The following TTC28 variants were observed in gnomAD, a reference collection of about 807,000 sequenced individuals.
The protein encoded by TTC28 is tetratricopeptide repeat protein 28.
In TTC28, 61 loss-of-function variants were observed where a neutral mutation model predicts 198.0. The observed-to-expected ratio is 0.31, with a 90% CI of 0.25 to 0.38. The LOEUF (loss-of-function observed/expected upper bound fraction) is 0.38, where lower values mean the gene tolerates loss of function less well. Among genes scored for constraint, TTC28 ranks in the 10% least tolerant of loss-of-function variants. The probability of loss-of-function intolerance (pLI) is 1.00; values close to 1 mark genes in which losing one functional copy is unlikely to be tolerated. For synonymous variants in TTC28, 1,171 were observed against 1,297.8 expected, an observed-to-expected ratio of 0.90 and a Z score of 2.10; for missense variants, 2,678 against 3,164.0, an observed-to-expected ratio of 0.85 and a Z score of 3.69.
intron 5 of TTC28, among the ~76,000 whole-genome samples, chr22:28,174,277 A>G (rs944499438): frequency 6.6e-6 from 1 of 152,224 alleles, no homozygotes; most frequent in Admixed American, 6.5e-5. Flanking sequence ...CAGTATTTAT[A>G]ATGACCCTGG....
intron 12 of TTC28, among the ~76,000 whole-genome samples, chr22:28,035,160 T>A (rs1027240265): frequency 1.3e-5 from 2 of 152,212 alleles, no homozygotes; most frequent in Non-Finnish European, 2.9e-5. Flanking sequence ...AACATCCTTT[T>A]ACTAACTCAC....
chr22:28,582,029 A>C (rs1020819190), intron 2 of TTC28, among the ~76,000 whole-genome samples: 1 of 152,214 alleles, frequency 6.6e-6, no homozygotes, highest in Non-Finnish European at 1.5e-5. Context: ...CAACATTACT[A>C]TAATAATTTT....
intron 2 of TTC28, among the ~76,000 whole-genome samples, chr22:28,541,713 A>T (rs1335102647): frequency 6.6e-6 from 1 of 151,948 alleles, no homozygotes; most frequent in East Asian, 1.9e-4. Context: ...TTTTAAATAT[A>T]TATATATATA....
At chr22:28,331,982 A>T (rs983535772) in intron 2 of TTC28, among the ~76,000 whole-genome samples, 1 of 152,102 alleles carries the variant, frequency 6.6e-6, no homozygotes, top group Non-Finnish European at 1.5e-5. Flanking sequence ...CTACACTTCT[A>T]AAGCAAATTA....
intron 1 of TTC28, among the ~76,000 whole-genome samples, chr22:28,658,260 A>C (rs1311974145): frequency 1.3e-5 from 2 of 152,238 alleles, no homozygotes; most frequent in Non-Finnish European, 2.9e-5. Flanking sequence ...TGGGAAACCA[A>C]GCACATGTGA....
In TTC28 at chr22:28,218,561, C is replaced by T. The variant is rs201322070; in HGVS notation, c.934-54962G>A. On this transcript the variant is annotated intron_variant, in intron 5 of 22. Transcript: ENST00000397906. ...AAAACCACAGTTTTCTTCAGTCATT[C>T]TTTCACATAAAAAAAAAAGTTCTAT... Among the ~76,000 whole-genome samples the T allele has an allele frequency of 3.9e-5, 6 of 151,910 alleles. No homozygotes were observed. In the East Asian group the frequency reaches 5.8e-4, roughly 15 times the overall value.
intron 5 of TTC28, among the ~76,000 whole-genome samples, chr22:28,293,039 A>T (rs1254281257): frequency 2.0e-5 from 3 of 152,132 alleles, no homozygotes; most frequent in African/African-American, 7.2e-5. Context: ...ACCAATATTA[A>T]CTCCAGTCTT....
At position 28,492,999 on chromosome 22, in the gene TTC28, C is replaced by T. The variant is rs1431960166; in HGVS notation, c.381+136553G>A. Among the ~76,000 whole-genome samples the T allele has an allele frequency of 3.1e-5, 4 of 127,690 alleles. No homozygotes were observed. In the East Asian group the frequency reaches 9.0e-4, roughly 29 times the overall value. 83.8% of individuals were successfully genotyped at this position (127,690 alleles called of 152,430 possible). On this transcript the variant is annotated intron_variant, in intron 2 of 22. Coordinates refer to ENST00000397906, the MANE Select transcript of TTC28 (RefSeq NM_001145418.2). ...CCCAGAGATTGAGCACTGAAAAGGA[C>T]AACAGATTGACACACCAAATCCATT...
intron 5 of TTC28, among the ~76,000 whole-genome samples, chr22:28,250,328 C>G (rs952364009): frequency 1.3e-5 from 2 of 152,134 alleles, no homozygotes; most frequent in Non-Finnish European, 2.9e-5. Context: ...TGTTATATTT[C>G]AAAATTTAAA....
chr22:28,081,169 A>T (rs1941343541), intron 12 of TTC28, among the ~76,000 whole-genome samples: 1 of 151,578 alleles, frequency 6.6e-6, no homozygotes, highest in Admixed American at 6.6e-5. Flanking sequence ...ACACACACAC[A>T]CACACACATA....
At chr22:28,045,801 T>C (rs536888962) in intron 12 of TTC28, among the ~76,000 whole-genome samples, 7 of 152,174 alleles carry the variant, frequency 4.6e-5, no homozygotes, top group African/African-American at 1.7e-4. Context: ...TTGTCTCTAC[T>C]AAAAATACAA....
At chr22:28,660,935 C>T (rs920563623) in intron 1 of TTC28, among the ~76,000 whole-genome samples, 4 of 151,898 alleles carry the variant, frequency 2.6e-5, no homozygotes, top group African/African-American at 9.7e-5. Context: ...TATATAATTC[C>T]CTTTATTTCA....
chr22:28,505,680 A>C (rs1260644290), intron 2 of TTC28, among the ~76,000 whole-genome samples: 2 of 152,188 alleles, frequency 1.3e-5, no homozygotes, highest in South Asian at 4.1e-4. Flanking sequence ...GAAACCCAGA[A>C]GTTTTACCTA....
chr22:28,515,525 G>A (rs2048769140), intron 2 of TTC28, among the ~76,000 whole-genome samples: 1 of 152,174 alleles, frequency 6.6e-6, no homozygotes, highest in Non-Finnish European at 1.5e-5. Context: ...TGCTAAAGTA[G>A]TTTAGCAAAT....
At position 28,152,542 on chromosome 22, in the gene TTC28, C is replaced by T. The variant is rs114649623; in HGVS notation, c.1441+10550G>A. ...TCAGGTGAGTCACAAATCTCTGAAT[C>T]GTCATCACTAAAATAGAATAATAAT... On this transcript the variant is annotated intron_variant, in intron 6 of 22. Coordinates refer to ENST00000397906, the MANE Select transcript of TTC28 (RefSeq NM_001145418.2). Among the ~76,000 whole-genome samples the T allele has an allele frequency of 1.7e-3, 257 of 152,236 alleles. 2 individuals are homozygous for T. The highest frequency in any genetic ancestry group is 6.0e-3 in the African/African-American group (250 of 41,532).
At chr22:28,402,667 C>G (rs55738739) in intron 2 of TTC28, among the ~76,000 whole-genome samples, 15,176 of 152,226 alleles carry the variant, frequency 0.1, 868 homozygotes, top group African/African-American at 0.12. Context: ...TGTAGTAATT[C>G]TGTGATTCTC....
chr22:28,251,765 G>A (rs1930529397), intron 5 of TTC28, among the ~76,000 whole-genome samples: 2 of 151,948 alleles, frequency 1.3e-5, no homozygotes, highest in South Asian at 2.1e-4. Flanking sequence ...ACATTAAAAG[G>A]GCTATGAGAT....
chr22:28,242,133 TG>T (rs1261253106), intron 5 of TTC28, among the ~76,000 whole-genome samples: 3 of 152,216 alleles, frequency 2.0e-5, no homozygotes, highest in Non-Finnish European at 4.4e-5. Flanking sequence ...CTCTGCTTTT[TG>T]TTCCCTCAGT....
chr22:28,084,929 A>C (rs187142880), intron 12 of TTC28, among the ~76,000 whole-genome samples: 1 of 152,294 alleles, frequency 6.6e-6, no homozygotes, highest in African/African-American at 2.4e-5. Flanking sequence ...AGACGAAATG[A>C]ATCAAATGAA....
Sources: allele counts gnomAD v4.1 joint callset (sites outside exome capture counted in the v4.1 genomes callset), GRCh38; gene constraint gnomAD v4.1.1; transcripts MANE v1.5; gene names NCBI Gene and HGNC (gene_info 2026-07-23, HGNC 2026-07-21).